Variants in PITPNB observed in about 807,000 individuals in gnomAD.
PITPNB encodes the protein phosphatidylinositol transfer protein beta isoform.
A neutral mutation model predicts 45.9 loss-of-function variants in PITPNB; 16 were observed. The ratio of observed to expected loss-of-function variants is 0.35; its 90% CI spans 0.24 to 0.53. The LOEUF is 0.53. Among genes scored for constraint, PITPNB ranks in the 20% least tolerant of loss-of-function variants. The probability of loss-of-function intolerance (pLI) is 0.93; values close to 1 mark genes in which losing one functional copy is unlikely to be tolerated. For synonymous variants in PITPNB, 112 were observed against 108.9 expected (o/e 1.03, Z -0.18); for missense variants, 188 against 330.5 (o/e 0.57, Z 3.34).
chr22:27,887,335 A>G (rs1184188641), intron 7 of PITPNB, among the ~76,000 whole-genome samples: 2 of 152,202 alleles, frequency 1.3e-5, no homozygotes, highest in Non-Finnish European at 2.9e-5. Context: ...AGGCCCAGAC[A>G]TGATGGTGGT....
chr22:27,852,248 G>T lies in PITPNB; in HGVS notation c.*1454C>A, dbSNP rs996819136. Reference sequence around the variant, plus strand: ...ATGTGATTTGACTGCAGGGGTTGGCGTGTTTTAGGAGGGACAGGAGGTTAC... The same window carrying T: ...ATGTGATTTGACTGCAGGGGTTGGCTTGTTTTAGGAGGGACAGGAGGTTAC... On this transcript the variant is annotated 3_prime_UTR_variant, in exon 12 of 12. Transcript: ENST00000335272. The T allele has an allele frequency of 6.6e-6, 1 of 152,142 alleles. No individual in the cohort carries two copies. The allele number at this position is 152,142 out of a possible 1,614,324, so 9.4% of individuals were successfully genotyped here. A position where few individuals can be genotyped will look rare whatever the true frequency, so the allele number is the denominator to read the frequency against.
chr22:27,909,778 G>A (rs1337826309), intron 3 of PITPNB, among the ~76,000 whole-genome samples: 1 of 151,970 alleles, frequency 6.6e-6, no homozygotes, highest in Non-Finnish European at 1.5e-5. Flanking sequence ...GTACAACCAT[G>A]TTCATAAAAG....
intron 7 of PITPNB, among the ~76,000 whole-genome samples, chr22:27,889,246 G>T (rs1454385048): frequency 6.6e-6 from 1 of 152,072 alleles, no homozygotes; most frequent in African/African-American, 2.4e-5. Context: ...AGGTAGCTAA[G>T]GTTCCCTTCA....
intron 2 of PITPNB, among the ~76,000 whole-genome samples, chr22:27,913,046 C>G (rs897118084): frequency 4.7e-5 from 7 of 148,202 alleles, no homozygotes; most frequent in Non-Finnish European, 7.4e-5. Flanking sequence ...ACAGTATTTT[C>G]AGTGACAATA....
chr22:27,873,307 T>C lies in PITPNB; in HGVS notation c.534+431A>G, dbSNP rs183054767. The stretch of plus-strand genomic sequence containing the variant: ...AACAAAAACTGCTTGCCACAAAAAT[T>C]GCTCACTCGTGTCCTGCTTTCCAAA... On this transcript the variant is annotated intron_variant, in intron 8 of 11. Transcript: ENST00000335272. 3.3e-5 allele frequency among the ~76,000 whole-genome samples: 5 copies of C among 152,270 alleles called. No homozygotes were observed. In the East Asian group the frequency reaches 9.7e-4, roughly 29 times the overall value.
At chr22:27,864,239 A>C (rs1306142111) in intron 8 of PITPNB, among the ~76,000 whole-genome samples, 1 of 152,218 alleles carries the variant, frequency 6.6e-6, no homozygotes, top group Admixed American at 6.5e-5. Context: ...TGTGGGAGTC[A>C]TCTGTTAAAT....
At chr22:27,859,080 G>C (rs1193997268) in intron 9 of PITPNB, among the ~76,000 whole-genome samples, 2 of 152,134 alleles carry the variant, frequency 1.3e-5, no homozygotes, top group African/African-American at 4.8e-5. Flanking sequence ...GATTATTTAA[G>C]TTTTATTCAG....
At chr22:27,898,105 G>T in intron 3 of PITPNB, 1 of 488,946 alleles carries the variant, frequency 2.0e-6, no homozygotes, top group Non-Finnish European at 3.7e-6. Flanking sequence ...GCTGGGTATG[G>T]TGGCTCATGC....
intron 2 of PITPNB, 90 bp from the exon 3 acceptor site, chr22:27,911,199 G>C (rs1472978265): frequency 1.2e-6 from 1 of 868,106 alleles, no homozygotes; most frequent in Non-Finnish European, 1.9e-6. Flanking sequence ...AGATGATATA[G>C]AAAAGCATAT....
chr22:27,897,030 C>T lies in PITPNB; in HGVS notation c.297+100G>A. ...TGGTGGGACACAGGAAGGAACCATG[C>T]AGCGAGGTGCAGTTAGCAAAGAATG... On this transcript the variant is annotated intron_variant, in intron 5 of 11. Transcript: ENST00000335272. The T allele has an allele frequency of 4.7e-6, 4 of 845,882 alleles. No individual in the cohort carries two copies. In the East Asian group the frequency reaches 7.2e-5, roughly 15 times the overall value. 52.4% of individuals were successfully genotyped at this position (845,882 alleles called of 1,614,324 possible). A position where few individuals can be genotyped will look rare whatever the true frequency, so the allele number is the denominator to read the frequency against.
At chr22:27,908,378 T>A (rs943639833) in intron 3 of PITPNB, among the ~76,000 whole-genome samples, 1 of 151,054 alleles carries the variant, frequency 6.6e-6, no homozygotes, top group Non-Finnish European at 1.5e-5. Context: ...TAATGTATTA[T>A]GTATTACACA....
Position 27,860,225 on chromosome 22 carries a change from C to T in PITPNB, c.551G>A (p.Ser184Asn), listed in dbSNP as rs1315360886. The change falls in exon 9 of 12, where the codon AGC (serine) becomes AAC (asparagine). Residue 184 changes from serine to asparagine, a missense_variant. Ser to Asn is a conservative substitution (Grantham distance 46). Transcript: ENST00000335272. The stretch of plus-strand genomic sequence containing the variant: ...GGCACACATCTGGGGACAGTCAGGG[C>T]TGTTTGCCAGCTCCTTCTAGATGAG... ...GPNWKKELAN[S>N]PDCPQMCAYK... is the part of the protein sequence containing the mutation. 1 of 1,610,046 alleles carries T rather than the reference C, an allele frequency of 6.2e-7. No individual in the cohort carries two copies. The highest frequency in any genetic ancestry group is 1.1e-5 in the South Asian group (1 of 90,656).
Position 27,854,913 on chromosome 22 carries a change from G to T in PITPNB, c.795C>A (p.Gly265=). The change falls in exon 11 of 12, where the codon GGC becomes GGA. Residue 265 remains glycine, a synonymous_variant. Transcript: ENST00000335272. ...ETMRKRGSVR[G]TSAADV ...TCATCTAGACATCAGCAGCCGACGT[G>T]CCTCGAACGGAACCCCTCTTACGCA... 1 of 1,613,668 alleles carries T rather than the reference G, an allele frequency of 6.2e-7. No homozygotes were observed. Among genetic ancestry groups the T allele is most frequent in the Admixed American group, 1.7e-5 (1 of 60,022 alleles).
At chr22:27,879,112 G>A (rs1161374848) in intron 7 of PITPNB, among the ~76,000 whole-genome samples, 1 of 152,052 alleles carries the variant, frequency 6.6e-6, no homozygotes. Context: ...CCTGGCATGT[G>A]GGTGGTGGGA....
chr22:27,890,486 C>T (rs1935242909), intron 7 of PITPNB, among the ~76,000 whole-genome samples: 2 of 151,764 alleles, frequency 1.3e-5, no homozygotes, highest in South Asian at 4.2e-4. Context: ...TCACAACAGC[C>T]AAGAGGTAGA....
At position 27,919,231 on chromosome 22, in the gene PITPNB, C is replaced by T. The variant is rs948592175; in HGVS notation, c.-40G>A. On this transcript the variant is annotated 5_prime_UTR_variant, in exon 1 of 12. Transcript: ENST00000335272. Reference sequence around the variant, plus strand: ...CTCACAGCTGCCGCCGATACCACCGCCGCCGCCGCCGCTACCGCCTCTCAC... The same window carrying T: ...CTCACAGCTGCCGCCGATACCACCGTCGCCGCCGCCGCTACCGCCTCTCAC... 1.3e-6 allele frequency: 2 copies of T among 1,552,404 alleles called. No homozygotes were observed. Among genetic ancestry groups the T allele is most frequent in the African/African-American group, 1.4e-5 (1 of 73,802 alleles).
intron 8 of PITPNB, among the ~76,000 whole-genome samples, chr22:27,866,017 G>C (rs981504806): frequency 1.3e-5 from 2 of 152,122 alleles, no homozygotes; most frequent in African/African-American, 4.8e-5. Context: ...TTAACTCTTT[G>C]CTAATCTGCG....
At chr22:27,906,685 G>C (rs1001523822) in intron 3 of PITPNB, among the ~76,000 whole-genome samples, 1 of 152,108 alleles carries the variant, frequency 6.6e-6, no homozygotes, top group Non-Finnish European at 1.5e-5. Flanking sequence ...CCAGTGACCA[G>C]CACACAGTAA....
chr22:27,872,399 C>G (rs1475349064), intron 8 of PITPNB, among the ~76,000 whole-genome samples: 1 of 107,124 alleles, frequency 9.3e-6, no homozygotes, highest in Non-Finnish European at 1.8e-5. Context: ...TGGCCCAAGC[C>G]TCTTTATATA....
Sources: gnomAD v4.1 joint callset for allele counts (sites outside exome capture counted in the v4.1 genomes callset) on GRCh38, gnomAD v4.1.1 for gene constraint, MANE v1.5 for transcripts, NCBI Gene and HGNC (gene_info 2026-07-23, HGNC 2026-07-21) for gene names.